Variants in CNTN5 observed in about 807,000 individuals in gnomAD.
CNTN5 encodes contactin-5.
A neutral mutation model predicts 129.1 loss-of-function variants in CNTN5; 77 were observed. The observed-to-expected ratio is 0.60, with a 90% confidence interval of 0.50 to 0.72. The LOEUF is 0.72. Ranked by LOEUF, CNTN5 falls within the 30% of genes least tolerant of loss-of-function variation. CNTN5 has a pLI of 0.00. For missense variants in CNTN5, 1,478 were observed against 1,328.8 expected (o/e 1.11, Z -1.75); for synonymous variants, 509 against 465.6 (o/e 1.09, Z -1.20).
At chr11:100,228,916 A>G (rs75060933) in intron 16 of CNTN5, among the ~76,000 whole-genome samples, 1,891 of 152,314 alleles carry the variant, frequency 0.012, 26 homozygotes, top group Admixed American at 0.039. Context: ...GTGAAGAACA[A>G]TGCCAAATGG....
At chr11:99,898,354 G>A (rs1037482103) in intron 6 of CNTN5, among the ~76,000 whole-genome samples, 2 of 151,938 alleles carry the variant, frequency 1.3e-5, no homozygotes, top group East Asian at 1.9e-4. Context: ...ATTCAAATAA[G>A]TACAATTGGA....
intron 4 of CNTN5, among the ~76,000 whole-genome samples, chr11:99,829,311 G>A (rs192831607): frequency 1.3e-5 from 2 of 152,292 alleles, no homozygotes; most frequent in African/African-American, 4.8e-5. Context: ...GTTGCATGAC[G>A]ATGAAAACAT....
At chr11:100,156,461 A>C (rs985147323) in intron 13 of CNTN5, among the ~76,000 whole-genome samples, 1 of 151,802 alleles carries the variant, frequency 6.6e-6, no homozygotes, top group Admixed American at 6.6e-5. Context: ...GCCTGAAATT[A>C]TCTTTTTTTG....
chr11:100,272,037 C>T (rs1950416715), intron 18 of CNTN5, among the ~76,000 whole-genome samples: 1 of 152,062 alleles, frequency 6.6e-6, no homozygotes, highest in Admixed American at 6.5e-5. Flanking sequence ...GGAACACAAA[C>T]ATGAATGTTG....
intron 1 of CNTN5, among the ~76,000 whole-genome samples, chr11:99,145,714 A>G (rs572192432): frequency 6.6e-6 from 1 of 152,258 alleles, no homozygotes; most frequent in East Asian, 1.9e-4. Context: ...GGCAAGTATT[A>G]CTTACTCTTC....
chr11:99,663,695 C>G (rs1439167345), intron 3 of CNTN5, among the ~76,000 whole-genome samples: 1 of 152,062 alleles, frequency 6.6e-6, no homozygotes, highest in African/African-American at 2.4e-5. Context: ...AGCTCTTACC[C>G]CTTTGCTCTT....
At chr11:100,324,018 C>A (rs994552492) in intron 21 of CNTN5, among the ~76,000 whole-genome samples, 2 of 152,022 alleles carry the variant, frequency 1.3e-5, no homozygotes, top group African/African-American at 2.4e-5. Context: ...AACTTTTGTT[C>A]TTTCATTAAA....
intron 6 of CNTN5, among the ~76,000 whole-genome samples, chr11:99,850,370 G>A (rs543718431): frequency 9.2e-5 from 14 of 152,178 alleles, no homozygotes; most frequent in African/African-American, 2.6e-4. Flanking sequence ...CCTAGCTTTC[G>A]CAGAAAATGA....
chr11:99,032,130 T>C (rs1591073300), intron 1 of CNTN5, among the ~76,000 whole-genome samples: 1 of 152,088 alleles, frequency 6.6e-6, no homozygotes, highest in Non-Finnish European at 1.5e-5. Flanking sequence ...TATTCCATGG[T>C]GTATATGTGC....
At chr11:99,444,352 A>G (rs2135162081) in intron 2 of CNTN5, among the ~76,000 whole-genome samples, 1 of 152,336 alleles carries the variant, frequency 6.6e-6, no homozygotes, top group Non-Finnish European at 1.5e-5. Flanking sequence ...AAGAAACAAA[A>G]TACACAGGCT....
At chr11:99,914,866 A>T (rs1225596948) in intron 6 of CNTN5, among the ~76,000 whole-genome samples, 1 of 152,060 alleles carries the variant, frequency 6.6e-6, no homozygotes, top group Non-Finnish European at 1.5e-5. Flanking sequence ...TCTCAAAAAT[A>T]TAATGTATAG....
At chr11:99,926,860 T>C (rs994058283) in intron 7 of CNTN5, among the ~76,000 whole-genome samples, 48 of 152,168 alleles carry the variant, frequency 3.2e-4, no homozygotes, top group African/African-American at 1.2e-3. Flanking sequence ...AAATGTGTCT[T>C]TGTTAAATTA....
In CNTN5 at chr11:100,204,334, AT is replaced by A. The variant is rs1565340599; in HGVS notation, c.1884+10672del. Among the ~76,000 whole-genome samples, 66 of 113,774 alleles carry A rather than the reference AT, an allele frequency of 5.8e-4. 1 individual carries two copies. The highest frequency in any genetic ancestry group is 2.1e-3 in the African/African-American group (63 of 30,272). 74.6% of individuals were successfully genotyped at this position (113,774 alleles called of 152,430 possible). A position where few individuals can be genotyped will look rare whatever the true frequency, so the allele number is the denominator to read the frequency against. ...TATATATATATATATATATATATATATATATATATAATTATAGGCAGACAGA... is the reference window on the plus strand; with the variant it reads ...TATATATATATATATATATATATATAATATATATAATTATAGGCAGACAGA... On this transcript the variant is annotated intron_variant, in intron 15 of 24. Transcript: ENST00000524871.
rs376384713 is a variant in CNTN5, at chr11:99,683,216, C to T, written c.55+126947C>T. On this transcript the variant is annotated intron_variant, in intron 3 of 24. Transcript: ENST00000524871. ...TCTCTATCATGTTTCAGAAATCTCC[C>T]TTCACCGCAGCTCATAAAGATATTG... 4.0e-5 allele frequency among the ~76,000 whole-genome samples: 6 copies of T among 151,858 alleles called. No homozygotes were observed. In the East Asian group the frequency reaches 1.2e-3, roughly 29 times the overall value.
intron 10 of CNTN5, among the ~76,000 whole-genome samples, 196 bp from the exon 11 acceptor site, chr11:100,070,228 A>C (rs762330978): frequency 2.6e-5 from 4 of 152,206 alleles, no homozygotes; most frequent in Non-Finnish European, 5.9e-5. Context: ...ATATTATCAA[A>C]ATATCTTCAC....
chr11:99,921,781 T>C (rs1236488138), intron 7 of CNTN5, among the ~76,000 whole-genome samples: 1 of 152,144 alleles, frequency 6.6e-6, no homozygotes, highest in African/African-American at 2.4e-5. Flanking sequence ...TATTCAGAAA[T>C]ATATGAAATG....
intron 3 of CNTN5, among the ~76,000 whole-genome samples, chr11:99,781,497 C>G (rs1299950908): frequency 6.6e-6 from 1 of 151,940 alleles, no homozygotes; most frequent in Non-Finnish European, 1.5e-5. Flanking sequence ...CTTCTTAACC[C>G]CTTATCTTGT....
chr11:100,217,423 T>A, intron 15 of CNTN5, among the ~76,000 whole-genome samples: 1 of 152,338 alleles, frequency 6.6e-6, no homozygotes, highest in African/African-American at 2.4e-5. Context: ...AAGTTCTTGT[T>A]AAATAATTAC....
At chr11:100,175,027 A>G (rs1174883192) in intron 13 of CNTN5, among the ~76,000 whole-genome samples, 1 of 152,150 alleles carries the variant, frequency 6.6e-6, no homozygotes, top group East Asian at 1.9e-4. Flanking sequence ...ATCACGTTAA[A>G]GAGTATGAAT....
Sources: gnomAD v4.1 joint callset for allele counts (sites outside exome capture counted in the v4.1 genomes callset) on GRCh38, gnomAD v4.1.1 for gene constraint, MANE v1.5 for transcripts, NCBI Gene and HGNC (gene_info 2026-07-23, HGNC 2026-07-21) for gene names.